TUFT1: variants seen among roughly 807,000 people sequenced by gnomAD.
TUFT1 encodes tuftelin.
A neutral mutation model predicts 57.8 loss-of-function variants in TUFT1; 43 were observed. The observed-to-expected ratio is 0.74, with a 90% CI of 0.58 to 0.96. The LOEUF is 0.96. TUFT1 is among the 40% of genes least tolerant of loss of function. The pLI is 0.00. For missense variants in TUFT1, 459 were observed against 489.0 expected, an observed-to-expected ratio of 0.94 and a Z score of 0.58; for synonymous variants, 166 against 176.7, an observed-to-expected ratio of 0.94 and a Z score of 0.48.
At chr1:151,574,652 C>G (rs1358767312) in intron 8 of TUFT1, among the ~76,000 whole-genome samples, 1 of 152,216 alleles carries the variant, frequency 6.6e-6, no homozygotes, top group African/African-American at 2.4e-5. Flanking sequence ...TTCTCAGGGA[C>G]TGGCAGCCAT....
intron 9 of TUFT1, among the ~76,000 whole-genome samples, chr1:151,577,713 T>G (rs1312754998): frequency 3.3e-5 from 5 of 152,130 alleles, no homozygotes; most frequent in African/African-American, 9.7e-5. Context: ...AACAGCTTGA[T>G]GGTGTTGAGT....
In TUFT1 at chr1:151,574,504, A is replaced by T. The variant is rs1380262856; in HGVS notation, c.723+106A>T. 2.0e-6 allele frequency: 3 copies of T among 1,466,822 alleles called. No individual in the cohort carries two copies. The African/African-American group carries it at 4.2e-5, about 21-fold the overall frequency. The allele number at this position is 1,466,822 out of a possible 1,614,324, so 90.9% of individuals were successfully genotyped here. ...ACCCTTCTTTTCCAAGCCTCTCCAGAAAAGCACACTTCGCACCTTCCTTTG... is the reference window on the plus strand; with the variant it reads ...ACCCTTCTTTTCCAAGCCTCTCCAGTAAAGCACACTTCGCACCTTCCTTTG... On this transcript the variant is annotated intron_variant, in intron 8 of 12. Coordinates refer to ENST00000368849, the MANE Select transcript of TUFT1 (RefSeq NM_020127.3).
At chr1:151,577,291 C>A (rs1375666703) in intron 9 of TUFT1, among the ~76,000 whole-genome samples, 1 of 152,118 alleles carries the variant, frequency 6.6e-6, no homozygotes, top group Non-Finnish European at 1.5e-5. Context: ...AGCTCCTATC[C>A]CCTGTCCCTT....
chr1:151,546,366 G>A (rs1031770751), intron 1 of TUFT1, among the ~76,000 whole-genome samples: 3 of 152,092 alleles, frequency 2.0e-5, no homozygotes, highest in African/African-American at 7.2e-5. Context: ...AATTTTTTAT[G>A]AACAGCTTTA....
At chr1:151,546,449 A>T (rs1665345185) in intron 1 of TUFT1, among the ~76,000 whole-genome samples, 1 of 152,214 alleles carries the variant, frequency 6.6e-6, no homozygotes, top group Non-Finnish European at 1.5e-5. Flanking sequence ...AGAGTTGTGC[A>T]ATCATCAATA....
chr1:151,550,967 G>T (rs1665489893), intron 1 of TUFT1, among the ~76,000 whole-genome samples: 1 of 152,108 alleles, frequency 6.6e-6, no homozygotes, highest in African/African-American at 2.4e-5. Flanking sequence ...TCTTGTCAGT[G>T]GGCCATCTGG....
intron 6 of TUFT1, among the ~76,000 whole-genome samples, chr1:151,566,757 T>C (rs1468141060): frequency 6.6e-6 from 1 of 152,234 alleles, no homozygotes; most frequent in Admixed American, 6.5e-5. Context: ...TTTTCTCAAC[T>C]ATAAGATCAT....
chr1:151,555,957 A>T (rs1558005251), intron 1 of TUFT1, among the ~76,000 whole-genome samples: 1 of 152,012 alleles, frequency 6.6e-6, no homozygotes, highest in South Asian at 2.1e-4. Flanking sequence ...TCCATCACCA[A>T]AAGCACCCCT....
At position 151,564,523 on chromosome 1, in the gene TUFT1, A is replaced by C; in HGVS notation, c.325-2A>C. ...CTCAAGTTTCTTCCCCTCCCCTCCC[A>C]GGCCAGGAACTGCCTACAGAAGCTC... On this transcript the variant is annotated splice_acceptor_variant, in intron 4 of 12. Coordinates refer to ENST00000368849, the MANE Select transcript of TUFT1 (RefSeq NM_020127.3). LOFTEE classifies it high-confidence loss of function. 1 of 1,613,552 alleles carries C rather than the reference A, an allele frequency of 6.2e-7. No homozygotes were observed. The highest frequency in any genetic ancestry group is 8.5e-7 in the Non-Finnish European group (1 of 1,179,620).
At chr1:151,578,950 T>C in intron 10 of TUFT1, 124 bp downstream of exon 10, 1 of 715,504 alleles carries the variant, frequency 1.4e-6, no homozygotes, top group Admixed American at 2.4e-5. Flanking sequence ...TAGCTACCAA[T>C]TACCAGGTTC....
chr1:151,557,288 T>C (rs1008795473), intron 1 of TUFT1, among the ~76,000 whole-genome samples: 3 of 152,004 alleles, frequency 2.0e-5, no homozygotes, highest in African/African-American at 7.3e-5. Context: ...TGATACTAAA[T>C]ATTTAATAGT....
In TUFT1 at chr1:151,562,807, G is replaced by C. The variant is rs570869463; in HGVS notation, c.237+121G>C. 5.0e-5 allele frequency: 38 copies of C among 757,988 alleles called. No individual in the cohort carries two copies. In the South Asian group the frequency reaches 5.6e-4, roughly 11 times the overall value. The allele number at this position is 757,988 out of a possible 1,614,324, so 47.0% of individuals were successfully genotyped here. On this transcript the variant is annotated intron_variant, in intron 3 of 12. Coordinates refer to ENST00000368849, the MANE Select transcript of TUFT1 (RefSeq NM_020127.3). ...TGGTTTGATGGAAGGAACCAGACCT[G>C]AGCTGCTAGTTCCTGGCAATCTCCT...
intron 1 of TUFT1, among the ~76,000 whole-genome samples, chr1:151,554,971 T>C (rs1431205414): frequency 6.8e-6 from 1 of 147,164 alleles, no homozygotes; most frequent in African/African-American, 2.5e-5. Flanking sequence ...CCCAAAGTGC[T>C]GGGGTTACAG....
chr1:151,556,639 G>A (rs1665709002), intron 1 of TUFT1, among the ~76,000 whole-genome samples: 1 of 152,044 alleles, frequency 6.6e-6, no homozygotes, highest in Non-Finnish European at 1.5e-5. Flanking sequence ...TCAAGCTCCT[G>A]GCCTCAAGCA....
At chr1:151,560,993 TGTGTGTGTGTGA>T (rs1172429197) in intron 1 of TUFT1, among the ~76,000 whole-genome samples, 13 of 146,006 alleles carry the variant, frequency 8.9e-5, no homozygotes, top group African/African-American at 2.2e-4. Context: ...TGTGTGTGTG[TGTGTGTGTGTGA>T]GTGTTTGAGA....
rs74125811 is a variant in TUFT1, at chr1:151,570,084, G to A, written c.594+314G>A. ...TCTGTGTCGTGGTAAGAATCCCTGG[G>A]CTCTTGAGACTCCGTGCAGGCAAGG... On this transcript the variant is annotated intron_variant, in intron 7 of 12. Coordinates refer to ENST00000368849, the MANE Select transcript of TUFT1 (RefSeq NM_020127.3). 5.9e-3 allele frequency among the ~76,000 whole-genome samples: 905 copies of A among 152,252 alleles called. 12 individuals are homozygous for A. Among genetic ancestry groups the A allele is most frequent in the African/African-American group, 0.021 (861 of 41,554 alleles).
In TUFT1 at chr1:151,576,257, G is replaced by C. The variant is rs185606306; in HGVS notation, c.818+1252G>C. Among the ~76,000 whole-genome samples the C allele has an allele frequency of 6.0e-4, 92 of 152,252 alleles. 1 individual carries two copies. Among genetic ancestry groups the C allele is most frequent in the African/African-American group, 2.2e-3 (90 of 41,534 alleles). On this transcript the variant is annotated intron_variant, in intron 9 of 12. Transcript: ENST00000368849. The stretch of plus-strand genomic sequence containing the variant: ...GAACTGGGGAGTGATGGATTCTTCA[G>C]GGGCCCAAACCCCAGGATACTCTCC...
At chr1:151,575,168 C>T (rs1321506335) in intron 9 of TUFT1, among the ~76,000 whole-genome samples, 163 bp downstream of exon 9, 1 of 152,134 alleles carries the variant, frequency 6.6e-6, no homozygotes, top group Non-Finnish European at 1.5e-5. Context: ...GGTGGAGCCC[C>T]ACCCAAGAGA....
intron 9 of TUFT1, among the ~76,000 whole-genome samples, chr1:151,575,542 C>A (rs1220857506): frequency 6.6e-6 from 1 of 152,140 alleles, no homozygotes; most frequent in Non-Finnish European, 1.5e-5. Flanking sequence ...TCCTTTCTAC[C>A]TCCAAGGTGA....
Sources: gnomAD v4.1 joint callset for allele counts (sites outside exome capture counted in the v4.1 genomes callset) on GRCh38, gnomAD v4.1.1 for gene constraint, MANE v1.5 for transcripts, NCBI Gene and HGNC (gene_info 2026-07-23, HGNC 2026-07-21) for gene names.